The following PPP1R9A variants were observed in gnomAD, a reference collection of about 807,000 sequenced individuals.
The protein encoded by PPP1R9A is protein phosphatase 1 regulatory subunit 9A.
PPP1R9A carries 59 observed loss-of-function variants against 141.9 expected under a neutral mutation model. The ratio of observed to expected loss-of-function variants is 0.42; its 90% confidence interval spans 0.34 to 0.52. The LOEUF is 0.52. PPP1R9A is among the 20% of genes least tolerant of loss of function. PPP1R9A has a pLI of 0.10. For missense variants in PPP1R9A, 1,444 were observed against 1,611.9 expected, an observed-to-expected ratio of 0.90 and a Z score of 1.78; for synonymous variants, 500 against 569.7, an observed-to-expected ratio of 0.88 and a Z score of 1.74.
chr7:95,216,294 C>G lies in PPP1R9A; in HGVS notation c.1957-9667C>G, dbSNP rs193216418. 7.1e-3 allele frequency among the ~76,000 whole-genome samples: 1,081 copies of G among 152,266 alleles called. 27 individuals are homozygous for G. The highest frequency in any genetic ancestry group is 0.04 in the Admixed American group (610 of 15,296). On this transcript the variant is annotated intron_variant, in intron 7 of 19. Coordinates refer to ENST00000433360, the MANE Select transcript of PPP1R9A (RefSeq NM_001166160.2). Reference sequence around the variant, plus strand: ...TGGTTGTAGATGTGTGGTATTATTTCTGAGGGCTCTGTTCTGTTCCATTGG... The same window carrying G: ...TGGTTGTAGATGTGTGGTATTATTTGTGAGGGCTCTGTTCTGTTCCATTGG...
In PPP1R9A at chr7:95,185,295, A is replaced by G. The variant is rs569362097; in HGVS notation, c.1755-13054A>G. 7.3e-5 allele frequency among the ~76,000 whole-genome samples: 11 copies of G among 151,578 alleles called. No homozygotes were observed. In the East Asian group the frequency reaches 1.9e-3, roughly 27 times the overall value. On this transcript the variant is annotated intron_variant, in intron 5 of 19. Transcript: ENST00000433360. ...TCCCTGATCATTAGTGATGTTGAGCATTTTTTCATACATTTGTTAGCCACT... is the reference window on the plus strand; with the variant it reads ...TCCCTGATCATTAGTGATGTTGAGCGTTTTTTCATACATTTGTTAGCCACT...
chr7:95,054,975 A>G (rs1811320760), intron 2 of PPP1R9A, among the ~76,000 whole-genome samples: 1 of 152,174 alleles, frequency 6.6e-6, no homozygotes. Flanking sequence ...TCAATTCCTG[A>G]TGAATTATAT....
At chr7:95,254,965 T>C (rs1478280610) in intron 12 of PPP1R9A, among the ~76,000 whole-genome samples, 1 of 152,168 alleles carries the variant, frequency 6.6e-6, no homozygotes, top group East Asian at 1.9e-4. Context: ...AAATTTGTTA[T>C]TTAATATATT....
chr7:95,215,761 AAAT>A (rs1793240412), intron 7 of PPP1R9A, among the ~76,000 whole-genome samples: 1 of 152,202 alleles, frequency 6.6e-6, no homozygotes, highest in Admixed American at 6.5e-5. Flanking sequence ...TTGGCTGCAT[AAAT>A]GTCTACTTTT....
chr7:95,258,877 A>T (rs1446500269), intron 12 of PPP1R9A, among the ~76,000 whole-genome samples: 1 of 152,220 alleles, frequency 6.6e-6, no homozygotes, highest in Non-Finnish European at 1.5e-5. Flanking sequence ...ATTTGGCATT[A>T]TCCATTAAAA....
At chr7:95,142,349 A>C (rs1314776042) in intron 4 of PPP1R9A, among the ~76,000 whole-genome samples, 1 of 151,992 alleles carries the variant, frequency 6.6e-6, no homozygotes, top group Non-Finnish European at 1.5e-5. Flanking sequence ...AAAATATTTT[A>C]ATTTTGATGA....
At chr7:95,031,985 G>C (rs1807754314) in intron 2 of PPP1R9A, among the ~76,000 whole-genome samples, 2 of 152,256 alleles carry the variant, frequency 1.3e-5, no homozygotes, top group East Asian at 1.9e-4. Context: ...TACCCTATCT[G>C]TATTCAGAAG....
At chr7:94,946,109 G>A (rs1381987667) in intron 2 of PPP1R9A, among the ~76,000 whole-genome samples, 1 of 152,100 alleles carries the variant, frequency 6.6e-6, no homozygotes, top group Non-Finnish European at 1.5e-5. Flanking sequence ...TAATAGGATA[G>A]CAAATATGTA....
At chr7:95,211,045 T>TAG (rs1792005020) in intron 7 of PPP1R9A, among the ~76,000 whole-genome samples, 1 of 151,712 alleles carries the variant, frequency 6.6e-6, no homozygotes, top group Non-Finnish European at 1.5e-5. Flanking sequence ...ATACCTAATG[T>TAG]AGATGACCGG....
intron 2 of PPP1R9A, among the ~76,000 whole-genome samples, chr7:95,048,842 G>A (rs1292421447): frequency 6.6e-6 from 1 of 151,992 alleles, no homozygotes; most frequent in Non-Finnish European, 1.5e-5. Context: ...ACCATGCCCG[G>A]CCCTATGACA....
intron 2 of PPP1R9A, among the ~76,000 whole-genome samples, chr7:94,925,387 G>A (rs1793348587): frequency 6.6e-6 from 1 of 152,168 alleles, no homozygotes; most frequent in Non-Finnish European, 1.5e-5. Flanking sequence ...CAGCCAAGTT[G>A]ACTTATAAAA....
chr7:95,178,617 G>T (rs1012326650), intron 5 of PPP1R9A, among the ~76,000 whole-genome samples: 3 of 152,016 alleles, frequency 2.0e-5, no homozygotes, highest in African/African-American at 7.2e-5. Flanking sequence ...AAATAAAATT[G>T]ATAGACCATT....
chr7:95,047,497 G>T (rs1810189997), intron 2 of PPP1R9A, among the ~76,000 whole-genome samples: 1 of 152,154 alleles, frequency 6.6e-6, no homozygotes, highest in Admixed American at 6.6e-5. Flanking sequence ...TCACAGTAAA[G>T]AATGTTTCTG....
chr7:95,274,229 C>T, intron 16 of PPP1R9A, 61 bp downstream of exon 16: 8 of 1,385,264 alleles, frequency 5.8e-6, no homozygotes, highest in Non-Finnish European at 7.8e-6. Context: ...GCCCCCTCTT[C>T]TATTGTTAAC....
chr7:95,232,372 C>A (rs573364530), intron 8 of PPP1R9A, among the ~76,000 whole-genome samples: 45 of 152,144 alleles, frequency 3.0e-4, no homozygotes, highest in Non-Finnish European at 5.6e-4. Context: ...AAAATTATTT[C>A]AAGATGGATT....
At chr7:94,936,144 A>G (rs1321875924) in intron 2 of PPP1R9A, among the ~76,000 whole-genome samples, 3 of 152,138 alleles carry the variant, frequency 2.0e-5, no homozygotes, top group East Asian at 1.9e-4. Flanking sequence ...AGAGAAGACA[A>G]TGGACTTGGA....
intron 9 of PPP1R9A, among the ~76,000 whole-genome samples, chr7:95,248,379 G>T (rs1286854037): frequency 6.6e-6 from 1 of 150,924 alleles, no homozygotes; most frequent in Non-Finnish European, 1.5e-5. Flanking sequence ...AATTAGCAAG[G>T]CTATTTTGGT....
chr7:94,954,943 T>C (rs112010839), intron 2 of PPP1R9A, among the ~76,000 whole-genome samples: 3 of 152,042 alleles, frequency 2.0e-5, no homozygotes, highest in African/African-American at 7.2e-5. Context: ...ATTCTTACTC[T>C]CCTTGTGAAC....
At chr7:94,935,472 T>TA (rs1365658328) in intron 2 of PPP1R9A, among the ~76,000 whole-genome samples, 1 of 152,176 alleles carries the variant, frequency 6.6e-6, no homozygotes, top group Non-Finnish European at 1.5e-5. Context: ...ATAAAGCTAT[T>TA]AACGTATGCA....
Sources: gnomAD v4.1 joint callset for allele counts (sites outside exome capture counted in the v4.1 genomes callset) on GRCh38, gnomAD v4.1.1 for gene constraint, MANE v1.5 for transcripts, NCBI Gene and HGNC (gene_info 2026-07-23, HGNC 2026-07-21) for gene names.